The following GSK3B variants were observed in gnomAD, a reference collection of about 807,000 sequenced individuals.
GSK3B encodes the protein glycogen synthase kinase 3 beta.
Under a neutral mutation model 56.4 loss-of-function variants are expected in GSK3B, and 15 were observed. That is an observed-to-expected ratio of 0.27 (90% confidence interval 0.18 to 0.41). GSK3B has a LOEUF of 0.41. Ranked by LOEUF, GSK3B falls within the 10% of genes least tolerant of loss-of-function variation. The pLI is 1.00. For synonymous variants in GSK3B, 181 were observed against 188.9 expected, an observed-to-expected ratio of 0.96 and a Z score of 0.34; for missense variants, 300 against 513.4, an observed-to-expected ratio of 0.58 and a Z score of 4.02.
intron 2 of GSK3B, among the ~76,000 whole-genome samples, chr3:119,985,966 A>AGT (rs763734904): frequency 5.9e-5 from 9 of 152,284 alleles, no homozygotes; most frequent in Non-Finnish European, 1.3e-4. Flanking sequence ...AAAACAGCAT[A>AGT]GTACTGGTAC....
At chr3:119,893,277 G>A (rs1435705266) in intron 7 of GSK3B, among the ~76,000 whole-genome samples, 1 of 152,102 alleles carries the variant, frequency 6.6e-6, no homozygotes, top group East Asian at 1.9e-4. Flanking sequence ...AGGATTTACT[G>A]CATGAACCAC....
intron 5 of GSK3B, among the ~76,000 whole-genome samples, chr3:119,913,364 G>C (rs1444915035): frequency 2.0e-5 from 3 of 151,918 alleles, no homozygotes; most frequent in Non-Finnish European, 4.4e-5. Flanking sequence ...ATTATAAACA[G>C]GCCCTTCAAC....
intron 1 of GSK3B, among the ~76,000 whole-genome samples, chr3:120,028,125 G>T (rs1004626182): frequency 2.0e-5 from 3 of 152,200 alleles, no homozygotes. Context: ...ATTCAGCACA[G>T]AAAAGAGTGA....
At position 119,886,698 on chromosome 3, in the gene GSK3B, A is replaced by C. The variant is rs144106391; in HGVS notation, c.814-10190T>G. 7.2e-5 allele frequency among the ~76,000 whole-genome samples: 11 copies of C among 152,274 alleles called. 1 individual carries two copies. The South Asian group carries it at 1.4e-3, about 20-fold the overall frequency. ...CATAGAATACCATGCAGCCATAAAA[A>C]AAATTACGTCCTTTGCAACAACATA... On this transcript the variant is annotated intron_variant, in intron 7 of 10. Transcript: ENST00000264235.
chr3:119,926,170 A>C (rs1218962358), intron 3 of GSK3B, among the ~76,000 whole-genome samples: 1 of 152,132 alleles, frequency 6.6e-6, no homozygotes, highest in Non-Finnish European at 1.5e-5. Context: ...TAATGACTCA[A>C]TACAACTATA....
intron 7 of GSK3B, among the ~76,000 whole-genome samples, chr3:119,901,486 T>C (rs997996951): frequency 2.0e-5 from 3 of 152,204 alleles, no homozygotes; most frequent in African/African-American, 7.2e-5. Context: ...TTGGATTTTA[T>C]TCTAAATATT....
chr3:120,002,599 A>C (rs1217225358), intron 1 of GSK3B, among the ~76,000 whole-genome samples: 1 of 152,202 alleles, frequency 6.6e-6, no homozygotes, highest in Non-Finnish European at 1.5e-5. Context: ...TTGGCCTCCA[A>C]AGTGCTGGGA....
In GSK3B at chr3:119,936,221, A is replaced by G. The variant is rs907689299; in HGVS notation, c.366+11047T>C. Reference sequence around the variant, plus strand: ...TTCTAGTAAGCATTTATCTGCATTTATCTCTTCTGTACTAGAGACTCTAGC... The same window carrying G: ...TTCTAGTAAGCATTTATCTGCATTTGTCTCTTCTGTACTAGAGACTCTAGC... On this transcript the variant is annotated intron_variant, in intron 3 of 10. Coordinates refer to ENST00000264235, the MANE Select transcript of GSK3B (RefSeq NM_001146156.2). Among the ~76,000 whole-genome samples the G allele has an allele frequency of 2.0e-5, 3 of 151,628 alleles. No individual in the cohort carries two copies. In the East Asian group the frequency reaches 5.8e-4, roughly 29 times the overall value.
intron 1 of GSK3B, among the ~76,000 whole-genome samples, chr3:120,032,989 G>A (rs1270017854): frequency 6.6e-6 from 1 of 152,142 alleles, no homozygotes; most frequent in African/African-American, 2.4e-5. Flanking sequence ...AAGAAACACT[G>A]TACCTCTTAG....
chr3:120,002,182 T>A lies in GSK3B; in HGVS notation c.146A>T (p.Asp49Val). 1 of 1,606,790 alleles carries A rather than the reference T, an allele frequency of 6.2e-7. No homozygotes were observed. ...TGTATAGCTGACTTCTTGTGGCCTG[T>A]CTGGACCCTGCCCAGGAGTTGCCAC... ...TVVATPGQGPDRPQEVSYTDT... is the reference protein window; with the variant it reads ...TVVATPGQGPVRPQEVSYTDT... Residue 49 changes from aspartate (D) to valine (V), a missense_variant, in exon 2 of 11, where the codon GAC becomes GTC. Asp to Val is a radical substitution (Grantham distance 152, BLOSUM62 -3). This residue lies in a region of GSK3B where 53 missense variants were observed against 64.6 expected (regional missense o/e 0.82). Coordinates refer to ENST00000264235, the MANE Select transcript of GSK3B (RefSeq NM_001146156.2).
intron 2 of GSK3B, among the ~76,000 whole-genome samples, chr3:119,989,154 G>C (rs533418333): frequency 1.3e-5 from 2 of 152,078 alleles, no homozygotes; most frequent in African/African-American, 2.4e-5. Flanking sequence ...TTCACTGCTG[G>C]TGCTGACAAC....
chr3:120,029,661 C>G, intron 1 of GSK3B: 2 of 534,306 alleles, frequency 3.7e-6, no homozygotes, highest in South Asian at 3.2e-5. Context: ...AGAGAATGCC[C>G]TAAAAGCCAT....
chr3:119,988,869 CA>C (rs1402926995), intron 2 of GSK3B, among the ~76,000 whole-genome samples: 1 of 152,124 alleles, frequency 6.6e-6, no homozygotes, highest in Non-Finnish European at 1.5e-5. Flanking sequence ...TATAATAAAG[CA>C]AACCATTCCT....
intron 3 of GSK3B, among the ~76,000 whole-genome samples, chr3:119,941,852 A>C (rs2057052480): frequency 6.6e-6 from 1 of 152,228 alleles, no homozygotes; most frequent in Admixed American, 6.5e-5. Context: ...TACTACTATC[A>C]AGTGGCAGAA....
chr3:119,888,192 C>G (rs2056461451), intron 7 of GSK3B, among the ~76,000 whole-genome samples: 1 of 152,094 alleles, frequency 6.6e-6, no homozygotes, highest in Non-Finnish European at 1.5e-5. Flanking sequence ...ATATTTCCCC[C>G]TCATTAAAAA....
intron 8 of GSK3B, among the ~76,000 whole-genome samples, chr3:119,870,172 C>T (rs1451184309): frequency 6.6e-6 from 1 of 152,146 alleles, no homozygotes; most frequent in Non-Finnish European, 1.5e-5. Context: ...TTTTTCCCTC[C>T]ACCATCCTCA....
chr3:119,853,288 G>A (rs1484276650), intron 9 of GSK3B, among the ~76,000 whole-genome samples: 2 of 152,138 alleles, frequency 1.3e-5, no homozygotes, highest in Non-Finnish European at 2.9e-5. Flanking sequence ...CTATATCTCT[G>A]TTTTGGTACC....
chr3:120,041,929 A>G (rs1020554554), intron 1 of GSK3B, among the ~76,000 whole-genome samples: 3 of 152,256 alleles, frequency 2.0e-5, no homozygotes, highest in Non-Finnish European at 4.4e-5. Context: ...TTGCAGAACC[A>G]GGAGGAACCA....
At chr3:120,048,042 T>C (rs1389662001) in intron 1 of GSK3B, among the ~76,000 whole-genome samples, 2 of 152,228 alleles carry the variant, frequency 1.3e-5, no homozygotes, top group Admixed American at 6.5e-5. Context: ...TCCAAATATA[T>C]GAACTACGTA....
Sources: gnomAD v4.1 joint callset for allele counts (sites outside exome capture counted in the v4.1 genomes callset) on GRCh38, gnomAD v4.1.1 for gene constraint, gnomAD v4.1.1 regional missense constraint, MANE v1.5 for transcripts, NCBI Gene and HGNC (gene_info 2026-07-23, HGNC 2026-07-21) for gene names.